Variants in CFAP54 observed in about 807,000 individuals in gnomAD.
CFAP54 encodes cilia and flagella associated protein 54.
A neutral mutation model predicts 370.4 loss-of-function variants in CFAP54; 290 were observed. The observed-to-expected ratio is 0.78, with a 90% CI of 0.71 to 0.86. The LOEUF (loss-of-function observed/expected upper bound fraction) is 0.86, where lower values mean the gene tolerates loss of function less well. Among genes scored for constraint, CFAP54 ranks in the 40% least tolerant of loss-of-function variants. The probability of loss-of-function intolerance (pLI) is 0.00; values close to 1 mark genes in which losing one functional copy is unlikely to be tolerated. For missense variants in CFAP54, 3,399 were observed against 3,528.7 expected, an observed-to-expected ratio of 0.96 and a Z score of 0.93; for synonymous variants, 1,206 against 1,236.5, an observed-to-expected ratio of 0.98 and a Z score of 0.52.
chr12:96,490,056 G>A, intron 1 of CFAP54, 130 bp downstream of exon 1: 1 of 803,744 alleles, frequency 1.2e-6, no homozygotes, highest in Non-Finnish European at 1.9e-6. Flanking sequence ...GAAGGGCCCA[G>A]GAGAGACAAA....
chr12:96,501,969 A>C (rs2136348730), intron 2 of CFAP54, among the ~76,000 whole-genome samples: 1 of 152,344 alleles, frequency 6.6e-6, no homozygotes, highest in South Asian at 2.1e-4. Flanking sequence ...TAAGTGGAAT[A>C]AGAGTTTTGA....
At chr12:96,726,436 C>T (rs1391023487) in intron 50 of CFAP54, among the ~76,000 whole-genome samples, 1 of 152,194 alleles carries the variant, frequency 6.6e-6, no homozygotes, top group Admixed American at 6.5e-5. Flanking sequence ...TTATCCATTT[C>T]TTCTAGATTT....
At chr12:96,735,832 G>C (rs1446853108) in intron 50 of CFAP54, among the ~76,000 whole-genome samples, 1 of 152,158 alleles carries the variant, frequency 6.6e-6, no homozygotes, top group Non-Finnish European at 1.5e-5. Context: ...GGAGAAGTGT[G>C]TTTTGGAAAA....
chr12:96,739,973 C>T lies in CFAP54; in HGVS notation c.6983C>T (p.Ser2328Phe), dbSNP rs1958031657. The change falls in exon 51 of 68, where the codon TCT becomes TTT. Residue 2328 changes from serine (S) to phenylalanine (F), a missense_variant. By Grantham distance (155) the Ser-to-Phe change is radical. This residue lies in a region of CFAP54 where 2,796 missense variants were observed against 2,869.7 expected (regional missense o/e 0.97). Transcript: ENST00000524981. ...TATTTTAGTGCTGCAATAGTATTTT[C>T]TACACTTACACTTCTCCAGGATTCA... Reference protein sequence around the residue: ...RAAYSAAIVFSTLTLLQDSKL... With the variant: ...RAAYSAAIVFFTLTLLQDSKL... 6.3e-7 allele frequency: 1 copy of T among 1,575,306 alleles called. No individual in the cohort carries two copies. Among genetic ancestry groups the T allele is most frequent in the Admixed American group, 1.7e-5 (1 of 58,518 alleles).
intron 47 of CFAP54, among the ~76,000 whole-genome samples, chr12:96,707,829 G>A (rs1957562150): frequency 1.3e-5 from 2 of 152,082 alleles, no homozygotes; most frequent in African/African-American, 4.8e-5. Flanking sequence ...TAGTGAAGTG[G>A]AGGAAGCAAG....
intron 1 of CFAP54, among the ~76,000 whole-genome samples, chr12:96,495,293 TTTCC>T (rs1387128771): frequency 4.3e-5 from 3 of 70,284 alleles, no homozygotes; most frequent in South Asian, 4.4e-4. Context: ...TCCTTCCTTC[TTTCC>T]TTCCTTCCTT....
intron 67 of CFAP54, 31 bp downstream of exon 67, chr12:96,860,983 T>C: frequency 7.0e-7 from 1 of 1,424,878 alleles, no homozygotes; most frequent in Non-Finnish European, 9.2e-7. Context: ...ATTGTTGTTG[T>C]TTCTCTTCAT....
At chr12:96,772,322 C>T (rs1958471107) in intron 60 of CFAP54, among the ~76,000 whole-genome samples, 1 of 152,148 alleles carries the variant, frequency 6.6e-6, no homozygotes, top group Admixed American at 6.5e-5. Context: ...ATTCAGGTGT[C>T]ACCAGGGATA....
chr12:96,715,149 G>A (rs530138918), intron 48 of CFAP54, among the ~76,000 whole-genome samples: 1 of 152,200 alleles, frequency 6.6e-6, no homozygotes, highest in Non-Finnish European at 1.5e-5. Context: ...TTTAAGGAGA[G>A]AAGAGAAGGG....
rs1215219891 is a variant in CFAP54 at position 96,792,392 on chromosome 12, GT to G, written c.8744del (p.Val2915GlyfsTer3). 12 of 1,535,724 alleles carry G rather than the reference GT, an allele frequency of 7.8e-6. No individual in the cohort carries two copies. The African/African-American group carries it at 1.6e-4, about 21-fold the overall frequency. On this transcript the variant is annotated frameshift_variant, in exon 63 of 68. Coordinates refer to ENST00000524981, the MANE Select transcript of CFAP54 (RefSeq NM_001306084.2). LOFTEE classifies it high-confidence loss of function. ...SFKPVSGSSC[V>X]DITPIEMVTQ... ...TAAGCCTGTTTCAGGCTCATCTTGT[GT>G]GGACATAACGCCAATAGAAATGGTA...
At chr12:96,491,075 A>T (rs1225515921) in intron 1 of CFAP54, among the ~76,000 whole-genome samples, 1 of 151,912 alleles carries the variant, frequency 6.6e-6, no homozygotes, top group African/African-American at 2.4e-5. Context: ...GGCTCAAGGG[A>T]TCCTCCCACC....
At chr12:96,782,389 C>T (rs1426888887) in intron 60 of CFAP54, among the ~76,000 whole-genome samples, 2 of 152,034 alleles carry the variant, frequency 1.3e-5, no homozygotes, top group Non-Finnish European at 2.9e-5. Flanking sequence ...CCATCATTCA[C>T]TGCAGATTAT....
chr12:96,576,509 A>G (rs1955977495), intron 19 of CFAP54, 76 bp from the exon 20 acceptor site: 2 of 1,092,978 alleles, frequency 1.8e-6, no homozygotes, highest in South Asian at 1.9e-5. Flanking sequence ...ATTGTTTAAC[A>G]TCACTAGAAT....
At chr12:96,853,065 A>T (rs1479635999) in intron 66 of CFAP54, among the ~76,000 whole-genome samples, 1 of 152,144 alleles carries the variant, frequency 6.6e-6, no homozygotes, top group Admixed American at 6.5e-5. Flanking sequence ...ATTTTTAGAT[A>T]TCAGCTTAAA....
intron 39 of CFAP54, among the ~76,000 whole-genome samples, chr12:96,671,814 C>T (rs777531319): frequency 2.6e-5 from 4 of 152,084 alleles, no homozygotes; most frequent in East Asian, 3.9e-4. Flanking sequence ...CCCAGCTACT[C>T]GGGAGGCTGA....
At chr12:96,852,399 A>G (rs537210528) in intron 66 of CFAP54, among the ~76,000 whole-genome samples, 31 of 152,196 alleles carry the variant, frequency 2.0e-4, no homozygotes, top group Non-Finnish European at 8.8e-5. Flanking sequence ...ATCCATACAT[A>G]TACAATCCCA....
chr12:96,836,071 GA>G (rs1959185254), intron 66 of CFAP54, among the ~76,000 whole-genome samples: 1 of 152,178 alleles, frequency 6.6e-6, no homozygotes, highest in East Asian at 1.9e-4. Context: ...GGAAGCAGAG[GA>G]AAAACACCTC....
intron 36 of CFAP54, among the ~76,000 whole-genome samples, chr12:96,653,208 A>G (rs749339765): frequency 1.3e-5 from 2 of 152,216 alleles, no homozygotes; most frequent in African/African-American, 4.8e-5. Flanking sequence ...TCTATGAGTC[A>G]TTCTAGTGAA....
intron 66 of CFAP54, among the ~76,000 whole-genome samples, chr12:96,860,264 T>C (rs1959844835): frequency 6.6e-6 from 1 of 152,046 alleles, no homozygotes; most frequent in Non-Finnish European, 1.5e-5. Flanking sequence ...TTGTTTTCTT[T>C]CCGTCATTTT....
Sources: allele counts gnomAD v4.1 joint callset (sites outside exome capture counted in the v4.1 genomes callset), GRCh38; gene constraint gnomAD v4.1.1; regional missense constraint gnomAD v4.1.1; transcripts MANE v1.5; gene names NCBI Gene and HGNC (gene_info 2026-07-23, HGNC 2026-07-21).